Variants in JAM2 observed in about 807,000 individuals in gnomAD.
JAM2 encodes junctional adhesion molecule B.
JAM2 carries 17 observed loss-of-function variants against 42.0 expected under a neutral mutation model. The observed-to-expected ratio is 0.40, with a 90% CI of 0.28 to 0.61. JAM2 has a LOEUF of 0.61. Among genes scored for constraint, JAM2 ranks in the 20% least tolerant of loss-of-function variants. The pLI is 0.37. For missense variants in JAM2, 319 were observed against 358.3 expected (o/e 0.89, Z 0.89); for synonymous variants, 118 against 128.6 (o/e 0.92, Z 0.56).
chr21:25,678,977 T>G (rs756244708), intron 1 of JAM2, among the ~76,000 whole-genome samples: 12 of 152,170 alleles, frequency 7.9e-5, no homozygotes, highest in Admixed American at 2.6e-4. Flanking sequence ...TTTTTAAAAA[T>G]TTTTTGTAGA....
chr21:25,688,554 G>A (rs1484201996), intron 2 of JAM2, among the ~76,000 whole-genome samples: 2 of 152,176 alleles, frequency 1.3e-5, no homozygotes, highest in Non-Finnish European at 1.5e-5. Flanking sequence ...GTTTGTCTTT[G>A]TAGCATAATT....
At chr21:25,683,858 T>G (rs768481907) in intron 1 of JAM2, 25 bp from the exon 2 acceptor site, 1 of 1,520,148 alleles carries the variant, frequency 6.6e-7, no homozygotes, top group Admixed American at 1.8e-5. Flanking sequence ...TAATTTTAAT[T>G]ATCCTATCTG....
chr21:25,664,126 C>T (rs1473700709), intron 1 of JAM2, among the ~76,000 whole-genome samples: 1 of 152,250 alleles, frequency 6.6e-6, no homozygotes, highest in Admixed American at 6.5e-5. Flanking sequence ...CCATTCAGCT[C>T]ACTGCACATT....
chr21:25,639,606 A>G lies in JAM2; in HGVS notation c.-216A>G, dbSNP rs1221471957. 4 of 476,334 alleles carry G rather than the reference A, an allele frequency of 8.4e-6. No homozygotes were observed. The East Asian group carries it at 1.1e-4, about 13-fold the overall frequency. The allele number at this position is 476,334 out of a possible 1,614,324, so 29.5% of individuals were successfully genotyped here. ...CACCCCCAAAACAGAACAGACCCCCATCCCTGGGCTGGAGGACCCGCCTCT... is the reference window on the plus strand; with the variant it reads ...CACCCCCAAAACAGAACAGACCCCCGTCCCTGGGCTGGAGGACCCGCCTCT... On this transcript the variant is annotated 5_prime_UTR_variant, in exon 1 of 10. Transcript: ENST00000480456.
chr21:25,658,764 A>G (rs75710437), intron 1 of JAM2, among the ~76,000 whole-genome samples: 3,129 of 152,340 alleles, frequency 0.021, 109 homozygotes, highest in African/African-American at 0.071. Flanking sequence ...AAACACTTTC[A>G]GAGGAATTAT....
At chr21:25,705,911 T>C (rs1204287822) in intron 6 of JAM2, 68 bp from the exon 7 acceptor site, 1 of 1,100,022 alleles carries the variant, frequency 9.1e-7, no homozygotes, top group Non-Finnish European at 1.4e-6. Context: ...TTGAACCTTT[T>C]CAATTTAATG....
intron 1 of JAM2, among the ~76,000 whole-genome samples, chr21:25,654,647 C>CAAAA (rs34222589): frequency 6.6e-5 from 6 of 91,574 alleles, no homozygotes; most frequent in Non-Finnish European, 6.6e-5. Context: ...GACTTTCTCT[C>CAAAA]AAAAAAAAAA....
At chr21:25,642,515 G>A (rs1197696280) in intron 1 of JAM2, among the ~76,000 whole-genome samples, 1 of 151,960 alleles carries the variant, frequency 6.6e-6, no homozygotes, top group Non-Finnish European at 1.5e-5. Flanking sequence ...ATAATATCAT[G>A]CTTACTCCCT....
intron 1 of JAM2, among the ~76,000 whole-genome samples, chr21:25,675,325 A>G (rs1177943880): frequency 2.0e-5 from 3 of 151,978 alleles, no homozygotes; most frequent in Non-Finnish European, 2.9e-5. Context: ...GTGAAACCCC[A>G]TCTCCACTAT....
intron 1 of JAM2, among the ~76,000 whole-genome samples, chr21:25,674,785 AT>A (rs907785506): frequency 6.6e-6 from 1 of 151,574 alleles, no homozygotes; most frequent in African/African-American, 2.4e-5. Flanking sequence ...TAAATCTAGT[AT>A]GGTTAGACGA....
intron 4 of JAM2, among the ~76,000 whole-genome samples, 156 bp downstream of exon 4, chr21:25,694,064 C>G (rs929182675): frequency 6.6e-6 from 1 of 152,240 alleles, no homozygotes; most frequent in Non-Finnish European, 1.5e-5. Flanking sequence ...TCCTGGCAAT[C>G]TCCTGGCCAT....
intron 1 of JAM2, among the ~76,000 whole-genome samples, chr21:25,681,793 C>T (rs1340378998): frequency 1.3e-5 from 2 of 152,076 alleles, no homozygotes; most frequent in African/African-American, 2.4e-5. Flanking sequence ...CCATCCTGGC[C>T]AACATGGTGA....
At chr21:25,669,322 T>C (rs966376671) in intron 1 of JAM2, among the ~76,000 whole-genome samples, 8 of 150,518 alleles carry the variant, frequency 5.3e-5, no homozygotes, top group Non-Finnish European at 1.2e-4. Flanking sequence ...CAGTGACCCA[T>C]GATTGCGCGC....
intron 1 of JAM2, among the ~76,000 whole-genome samples, chr21:25,671,804 C>T (rs1054041300): frequency 3.9e-5 from 6 of 152,148 alleles, no homozygotes; most frequent in Non-Finnish European, 8.8e-5. Flanking sequence ...CCACTGCGCC[C>T]AGCAGAAAAG....
chr21:25,676,475 T>A (rs945339735), intron 1 of JAM2, among the ~76,000 whole-genome samples: 4 of 151,812 alleles, frequency 2.6e-5, no homozygotes, highest in Non-Finnish European at 5.9e-5. Flanking sequence ...TAATAGAGAA[T>A]ACAAAAACTT....
intron 1 of JAM2, among the ~76,000 whole-genome samples, chr21:25,664,080 A>G (rs1172775362): frequency 6.6e-6 from 1 of 152,230 alleles, no homozygotes; most frequent in Non-Finnish European, 1.5e-5. Flanking sequence ...TTCTTGAAAC[A>G]GTGACATATA....
intron 1 of JAM2, among the ~76,000 whole-genome samples, chr21:25,661,311 A>G (rs993858038): frequency 1.3e-5 from 2 of 152,052 alleles, no homozygotes; most frequent in African/African-American, 4.8e-5. Flanking sequence ...ACATTTAAGA[A>G]AATTTGCTAG....
intron 1 of JAM2, among the ~76,000 whole-genome samples, chr21:25,644,477 G>A (rs1371425139): frequency 1.3e-5 from 2 of 152,036 alleles, no homozygotes; most frequent in Non-Finnish European, 2.9e-5. Flanking sequence ...CCCACTCACG[G>A]CCCTGCGACA....
chr21:25,650,992 A>G (rs1600992584), intron 1 of JAM2, among the ~76,000 whole-genome samples: 1 of 150,168 alleles, frequency 6.7e-6, no homozygotes, highest in East Asian at 2.0e-4. Flanking sequence ...CATGAGAATT[A>G]ATTTCAAATG....
Sources: gnomAD v4.1 joint callset for allele counts (sites outside exome capture counted in the v4.1 genomes callset) on GRCh38, gnomAD v4.1.1 for gene constraint, MANE v1.5 for transcripts, NCBI Gene and HGNC (gene_info 2026-07-23, HGNC 2026-07-21) for gene names.